The following ALX3 variants were observed in gnomAD, a reference collection of about 807,000 sequenced individuals.
ALX3 encodes ALX homeobox 3.
A neutral mutation model predicts 26.3 loss-of-function variants in ALX3; 17 were observed. The observed-to-expected ratio is 0.65, with a 90% CI of 0.44 to 0.97. The LOEUF is 0.97. ALX3 is among the 50% of genes least tolerant of loss of function. ALX3 has a pLI of 0.00. For missense variants in ALX3, 461 were observed against 466.5 expected (o/e 0.99, Z 0.11); for synonymous variants, 208 against 201.4 (o/e 1.03, Z -0.28).
At chr1:110,069,121 C>G (rs1367386390) in intron 1 of ALX3, among the ~76,000 whole-genome samples, 2 of 152,266 alleles carry the variant, frequency 1.3e-5, no homozygotes, top group Non-Finnish European at 2.9e-5. Context: ...GCCAGGCCAA[C>G]TGCTTCTCAT....
intron 3 of ALX3, 51 bp from the exon 4 acceptor site, chr1:110,061,092 C>G (rs759325983): frequency 7.1e-6 from 11 of 1,555,368 alleles, no homozygotes; most frequent in Non-Finnish European, 8.7e-6. Flanking sequence ...CAGGAGCTGA[C>G]TTCCCTACCC....
rs771153720 is a variant in ALX3 at position 110,061,069 on chromosome 1, G to A, written c.724-28C>T. On this transcript the variant is annotated intron_variant, in intron 3 of 3. Transcript: ENST00000647563. ...GAAAAGAGAGGGAAAGAAGGCCCATGAGCCTGTAGCCTCAGGAGCTGACTT... is the reference window on the plus strand; with the variant it reads ...GAAAAGAGAGGGAAAGAAGGCCCATAAGCCTGTAGCCTCAGGAGCTGACTT... 4.4e-6 allele frequency: 7 copies of A among 1,585,116 alleles called. No individual in the cohort carries two copies. In the African/African-American group the frequency reaches 6.7e-5, roughly 15 times the overall value.
chr1:110,061,620 C>A, intron 2 of ALX3, 57 bp from the exon 3 acceptor site: 1 of 1,608,912 alleles, frequency 6.2e-7, no homozygotes, highest in African/African-American at 1.3e-5. Flanking sequence ...AGGAAAGGAG[C>A]CTGCTAGGGA....
intron 1 of ALX3, among the ~76,000 whole-genome samples, chr1:110,068,879 T>A (rs1328720380): frequency 6.6e-6 from 1 of 152,272 alleles, no homozygotes; most frequent in East Asian, 1.9e-4. Flanking sequence ...GATCCCGGGG[T>A]GCTGGGTTTC....
chr1:110,062,887 C>T (rs536420735), intron 2 of ALX3, among the ~76,000 whole-genome samples: 83 of 152,212 alleles, frequency 5.5e-4, no homozygotes, highest in Non-Finnish European at 8.7e-4. Flanking sequence ...AGGGAGCTTA[C>T]AGCCAGTGAA....
Position 110,060,893 on chromosome 1 carries a change from G to C in ALX3, c.872C>G (p.Ser291Cys). Residue 291 changes from serine to cysteine, a missense_variant, in exon 4 of 4, where the codon TCT becomes TGT. This residue lies in a region of ALX3 where 169 missense variants were observed against 178.0 expected (regional missense o/e 0.95). Transcript: ENST00000647563. ...VAGFMGVPAP[S>C]AAHPGIYSIH... The stretch of plus-strand genomic sequence containing the variant: ...GGAGTAGATGCCAGGGTGAGCCGCA[G>C]AAGGGGCTGGCACCCCCATGAAGCC... The C allele has an allele frequency of 6.2e-7, 1 of 1,613,658 alleles. No homozygotes were observed. The highest frequency in any genetic ancestry group is 8.5e-7 in the Non-Finnish European group (1 of 1,179,904).
chr1:110,059,951 A>T lies in ALX3; in HGVS notation c.*782T>A, dbSNP rs1653587800. 1 of 151,896 alleles carries T rather than the reference A, an allele frequency of 6.6e-6. No individual in the cohort carries two copies. The highest frequency in any genetic ancestry group is 2.4e-5 in the African/African-American group (1 of 41,354). 9.4% of individuals were successfully genotyped at this position (151,896 alleles called of 1,614,324 possible). A position where few individuals can be genotyped will look rare whatever the true frequency, so the allele number is the denominator to read the frequency against. ...TCTCCTTTTTTTTTTTTTTAAACAAAAAAAACACAAAAGTGTCTGTACAAA... is the reference window on the plus strand; with the variant it reads ...TCTCCTTTTTTTTTTTTTTAAACAATAAAAACACAAAAGTGTCTGTACAAA... On this transcript the variant is annotated 3_prime_UTR_variant, in exon 4 of 4. Transcript: ENST00000647563.
rs1194144016 is a variant in ALX3, at chr1:110,061,049, G to C, written c.724-8C>G. On this transcript the variant is annotated splice_polypyrimidine_tract_variant and splice_region_variant and intron_variant, in intron 3 of 3. Coordinates refer to ENST00000647563, the MANE Select transcript of ALX3 (RefSeq NM_006492.3). ...CCACAGGGAGTTCTGCAGCTGAAAA[G>C]AGAGGGAAAGAAGGCCCATGAGCCT... The C allele has an allele frequency of 6.2e-7, 1 of 1,600,728 alleles. No individual in the cohort carries two copies. The highest frequency in any genetic ancestry group is 2.2e-5 in the East Asian group (1 of 44,524).
At chr1:110,063,738 C>A (rs936128909) in intron 2 of ALX3, among the ~76,000 whole-genome samples, 1 of 151,642 alleles carries the variant, frequency 6.6e-6, no homozygotes, top group Non-Finnish European at 1.5e-5. Flanking sequence ...CTGCTTTGAT[C>A]GAGCCGGTTC....
intron 2 of ALX3, among the ~76,000 whole-genome samples, chr1:110,062,855 C>T (rs895986357): frequency 2.0e-5 from 3 of 152,194 alleles, no homozygotes; most frequent in African/African-American, 7.2e-5. Context: ...TTTCTCTGCT[C>T]TCCCTCCCCT....
At chr1:110,061,838 A>G (rs2101795033) in intron 2 of ALX3, 1 of 513,508 alleles carries the variant, frequency 1.9e-6, no homozygotes, top group East Asian at 3.5e-5. Context: ...GGCTGTGTCT[A>G]GTAAGGGTGT....
chr1:110,066,683 T>C (rs918357287), intron 1 of ALX3, among the ~76,000 whole-genome samples: 25 of 145,030 alleles, frequency 1.7e-4, no homozygotes, highest in Non-Finnish European at 3.1e-4. Flanking sequence ...AGGGAGGCTG[T>C]GCTGGACTCC....
At chr1:110,069,923 G>A (rs80334020) in intron 1 of ALX3, among the ~76,000 whole-genome samples, 4 of 152,292 alleles carry the variant, frequency 2.6e-5, no homozygotes, top group Non-Finnish European at 5.9e-5. Context: ...CACAAAAGCC[G>A]CGCTTCTTCG....
intron 1 of ALX3, among the ~76,000 whole-genome samples, chr1:110,066,318 C>T (rs1653781915): frequency 6.6e-6 from 1 of 152,212 alleles, no homozygotes; most frequent in Non-Finnish European, 1.5e-5. Context: ...GCTACCTAGC[C>T]TTGGACCATG....
In ALX3 at chr1:110,064,653, G is replaced by C; in HGVS notation, c.528C>G (p.His176Gln). 1 of 1,614,228 alleles carries C rather than the reference G, an allele frequency of 6.2e-7. No individual in the cohort carries two copies. The highest frequency in any genetic ancestry group is 8.5e-7 in the Non-Finnish European group (1 of 1,180,052). ...EELEKVFQKTHYPDVYAREQL... is the reference protein window; with the variant it reads ...EELEKVFQKTQYPDVYAREQL... ...GCTCCCGGGCATACACATCAGGATA[G>C]TGGGTTTTCTGGAAGACCTTCTCCA... Residue 176 changes from histidine (H) to glutamine (Q), a missense_variant, in exon 2 of 4, where the codon CAC becomes CAG. Physicochemically the swap from His to Gln is conservative, Grantham distance 24. Transcript: ENST00000647563.
Position 110,061,031 on chromosome 1 carries a change from G to C in ALX3, c.734C>G (p.Ser245Cys). 1.2e-6 allele frequency: 2 copies of C among 1,608,126 alleles called. No individual in the cohort carries two copies. The highest frequency in any genetic ancestry group is 1.7e-6 in the Non-Finnish European group (2 of 1,178,062). Residue 245 changes from serine to cysteine, a missense_variant, in exon 4 of 4, where the codon TCC becomes TGC. By Grantham distance (112) the Ser-to-Cys change is moderately radical. This residue lies in a region of ALX3 where 169 missense variants were observed against 178.0 expected (regional missense o/e 0.95). Coordinates refer to ENST00000647563, the MANE Select transcript of ALX3 (RefSeq NM_006492.3). The stretch of plus-strand genomic sequence containing the variant: ...CCCAGATCCTGGACTGGCCCACAGG[G>C]AGTTCTGCAGCTGAAAAGAGAGGGA... ...RTDSHPQLQNSLWASPGSGSP... is the reference protein window; with the variant it reads ...RTDSHPQLQNCLWASPGSGSP...
chr1:110,062,646 G>C (rs3085794), intron 2 of ALX3: 39,335 of 126,038 alleles, frequency 0.31, 6,173 homozygotes, highest in East Asian at 0.49. Context: ...TGTGTGTGTG[G>C]AGTAATCCGT....
chr1:110,070,661 C>G lies in ALX3; in HGVS notation c.-49G>C, dbSNP rs866942631. 2.3e-4 allele frequency: 278 copies of G among 1,187,640 alleles called. No homozygotes were observed. The highest frequency in any genetic ancestry group is 1.3e-3 in the Admixed American group (28 of 21,894). 73.6% of individuals were successfully genotyped at this position (1,187,640 alleles called of 1,614,324 possible). ...CCGGGGCTCCGGGGCTCGCGCTGCCCGCGCCGCCTGTGAGCGCCCGCCAAG... is the reference window on the plus strand; with the variant it reads ...CCGGGGCTCCGGGGCTCGCGCTGCCGGCGCCGCCTGTGAGCGCCCGCCAAG... On this transcript the variant is annotated 5_prime_UTR_variant, in exon 1 of 4. Coordinates refer to ENST00000647563, the MANE Select transcript of ALX3 (RefSeq NM_006492.3).
At position 110,064,665 on chromosome 1, in the gene ALX3, G is replaced by A; in HGVS notation, c.516C>T (p.Phe172=). 2 of 1,614,230 alleles carry A rather than the reference G, an allele frequency of 1.2e-6. No individual in the cohort carries two copies. Among genetic ancestry groups the A allele is most frequent in the Non-Finnish European group, 1.7e-6 (2 of 1,180,050 alleles). Residue 172 remains phenylalanine, a synonymous_variant, in exon 2 of 4, where the codon TTC becomes TTT. Coordinates refer to ENST00000647563, the MANE Select transcript of ALX3 (RefSeq NM_006492.3). ...ACACATCAGGATAGTGGGTTTTCTGGAAGACCTTCTCCAGCTCCTCCAGCT... is the reference window on the plus strand; with the variant it reads ...ACACATCAGGATAGTGGGTTTTCTGAAAGACCTTCTCCAGCTCCTCCAGCT... ...TFQLEELEKV[F]QKTHYPDVYA...
Sources: allele counts gnomAD v4.1 joint callset (sites outside exome capture counted in the v4.1 genomes callset), GRCh38; gene constraint gnomAD v4.1.1; regional missense constraint gnomAD v4.1.1; transcripts MANE v1.5; gene names NCBI Gene and HGNC (gene_info 2026-07-23, HGNC 2026-07-21).